ARHGAP24: variants seen among roughly 807,000 people sequenced by gnomAD.
ARHGAP24 encodes Rho GTPase activating protein 24, also known as rho GTPase-activating protein 24.
ARHGAP24 carries 50 observed loss-of-function variants against 76.4 expected under a neutral mutation model. That is an observed-to-expected ratio of 0.65 (90% CI 0.52 to 0.83). The LOEUF is 0.83. Among genes scored for constraint, ARHGAP24 ranks in the 40% least tolerant of loss-of-function variants. The pLI, the probability that ARHGAP24 is intolerant of heterozygous loss-of-function variation, is 0.00. For missense variants in ARHGAP24, 930 were observed against 914.2 expected (o/e 1.02, Z -0.22); for synonymous variants, 345 against 323.3 (o/e 1.07, Z -0.72).
intron 5 of ARHGAP24, among the ~76,000 whole-genome samples, chr4:85,967,427 T>C (rs1188092781): frequency 6.6e-6 from 1 of 152,144 alleles, no homozygotes; most frequent in Non-Finnish European, 1.5e-5. Context: ...ATGATCAAAG[T>C]AGACCTATCA....
intron 1 of ARHGAP24, among the ~76,000 whole-genome samples, chr4:85,530,573 AATT>A (rs766293397): frequency 3.3e-5 from 5 of 152,018 alleles, no homozygotes; most frequent in Non-Finnish European, 7.4e-5. Flanking sequence ...CTCACATAAT[AATT>A]CACTGGGAAA....
intron 3 of ARHGAP24, among the ~76,000 whole-genome samples, chr4:85,819,163 G>T (rs1207802781): frequency 1.3e-5 from 2 of 152,166 alleles, no homozygotes; most frequent in African/African-American, 2.4e-5. Flanking sequence ...GGTATATGCT[G>T]ATGGCCATAT....
intron 2 of ARHGAP24, among the ~76,000 whole-genome samples, chr4:85,589,824 G>A (rs1728011294): frequency 6.6e-6 from 1 of 152,080 alleles, no homozygotes; most frequent in Non-Finnish European, 1.5e-5. Context: ...ATAGATTCAA[G>A]AGTTTAAAAA....
At chr4:85,893,766 G>T (rs9790515) in intron 3 of ARHGAP24, among the ~76,000 whole-genome samples, 17 of 150,494 alleles carry the variant, frequency 1.1e-4, no homozygotes, top group African/African-American at 1.5e-4. Context: ...GAGGGTAACC[G>T]GACCTTTCTC....
Position 85,722,018 on chromosome 4 carries a change from G to A in ARHGAP24, c.268+46G>A, listed in dbSNP as rs184802761. On this transcript the variant is annotated intron_variant, in intron 3 of 9. Transcript: ENST00000395184. ...GATTAAATTATTGTCATCCTGTGTT[G>A]GTAAAGGTGAAGATGGGTCAGACAG... is the stretch of plus-strand genomic sequence containing the variant. 8.1e-5 allele frequency: 126 copies of A among 1,546,628 alleles called. No individual in the cohort carries two copies. In the African/African-American group the frequency reaches 1.5e-3, roughly 18 times the overall value.
At chr4:85,782,063 G>A (rs57156773) in intron 3 of ARHGAP24, among the ~76,000 whole-genome samples, 509 of 19,524 alleles carry the variant, frequency 0.026, 9 homozygotes, top group East Asian at 0.16. Context: ...AAAAAAAAAA[G>A]AAAAAAAAAA....
At chr4:85,649,000 C>T (rs1243338212) in intron 2 of ARHGAP24, among the ~76,000 whole-genome samples, 1 of 127,204 alleles carries the variant, frequency 7.9e-6, no homozygotes, top group Admixed American at 8.6e-5. Flanking sequence ...GGTTAAATTG[C>T]ATTTGTAAAT....
At chr4:85,872,728 GCTGGGATTACAAGCATACA>G (rs1732611876) in intron 3 of ARHGAP24, among the ~76,000 whole-genome samples, 1 of 146,154 alleles carries the variant, frequency 6.8e-6, no homozygotes, top group African/African-American at 2.5e-5. Flanking sequence ...CACCCAAATA[GCTGGGATTACAAGCATACA>G]CCACCATGCC....
At chr4:85,708,495 A>G (rs137862980) in intron 2 of ARHGAP24, among the ~76,000 whole-genome samples, 5 of 152,276 alleles carry the variant, frequency 3.3e-5, no homozygotes, top group African/African-American at 9.6e-5. Context: ...CCCCAAAGTC[A>G]TATATTTAGG....
At chr4:85,509,592 C>A (rs994212626) in intron 1 of ARHGAP24, among the ~76,000 whole-genome samples, 5 of 151,930 alleles carry the variant, frequency 3.3e-5, no homozygotes. Flanking sequence ...AGAACTCTTT[C>A]TTTATCTTTG....
intron 1 of ARHGAP24, among the ~76,000 whole-genome samples, chr4:85,515,789 T>C (rs1464998749): frequency 1.3e-5 from 2 of 152,190 alleles, no homozygotes; most frequent in African/African-American, 4.8e-5. Context: ...GAGGTGAATC[T>C]TTAAGGTAAA....
At chr4:85,571,154 C>T (rs1270962509) in intron 2 of ARHGAP24, among the ~76,000 whole-genome samples, 1 of 152,142 alleles carries the variant, frequency 6.6e-6, no homozygotes, top group African/African-American at 2.4e-5. Flanking sequence ...CAGAGGTTTC[C>T]CTCCATACCT....
At chr4:85,831,900 T>TA (rs57600561) in intron 3 of ARHGAP24, among the ~76,000 whole-genome samples, 139 of 137,416 alleles carry the variant, frequency 1.0e-3, no homozygotes, top group Non-Finnish European at 1.1e-3. Context: ...AGACTCTATC[T>TA]AAAAAAAAAA....
chr4:85,995,425 C>T lies in ARHGAP24; in HGVS notation c.1771C>T (p.Pro591Ser). The change falls in exon 9 of 10, where the codon CCT (proline) becomes TCT (serine). Residue 591 changes from proline (P) to serine (S), a missense_variant. Transcript: ENST00000395184. ...CTTTTTTGGGGGGAACTTTGAGGAC[C>T]CTGTTTTGGATGGGCCCCCGCAGGA... ...QDFFGGNFED[P>S]VLDGPPQDDL... The T allele has an allele frequency of 6.2e-7, 1 of 1,612,116 alleles. No individual in the cohort carries two copies. The highest frequency in any genetic ancestry group is 8.5e-7 in the Non-Finnish European group (1 of 1,178,522).
At chr4:85,648,491 A>T (rs1721809840) in intron 2 of ARHGAP24, among the ~76,000 whole-genome samples, 1 of 152,110 alleles carries the variant, frequency 6.6e-6, no homozygotes. Flanking sequence ...AGGGATATTT[A>T]CATATATATT....
Position 85,563,818 on chromosome 4 carries a change from A to G in ARHGAP24, c.-20-6704A>G, listed in dbSNP as rs116406276. 2.4e-3 allele frequency among the ~76,000 whole-genome samples: 370 copies of G among 152,326 alleles called. 3 individuals carry two copies. Among genetic ancestry groups the G allele is most frequent in the African/African-American group, 8.7e-3 (360 of 41,572 alleles). On this transcript the variant is annotated intron_variant, in intron 1 of 9. Transcript: ENST00000395184. ...TCAACATTCACAGCTGAGCCAATGTAGAGAGCTGAACACATTAAATCAAGT... is the reference window on the plus strand; with the variant it reads ...TCAACATTCACAGCTGAGCCAATGTGGAGAGCTGAACACATTAAATCAAGT...
chr4:85,577,630 T>C (rs1175522168), intron 2 of ARHGAP24, among the ~76,000 whole-genome samples: 1 of 152,172 alleles, frequency 6.6e-6, no homozygotes, highest in Admixed American at 6.5e-5. Flanking sequence ...CAAGCATTTG[T>C]GAAGAAGGAG....
chr4:85,842,692 C>A (rs1730665808), intron 3 of ARHGAP24, among the ~76,000 whole-genome samples: 1 of 152,180 alleles, frequency 6.6e-6, no homozygotes, highest in African/African-American at 2.4e-5. Context: ...TTGTAGAAAG[C>A]CTGTGATGTC....
chr4:85,608,682 T>G (rs1012450233), intron 2 of ARHGAP24, among the ~76,000 whole-genome samples: 5 of 149,848 alleles, frequency 3.3e-5, no homozygotes, highest in Non-Finnish European at 7.4e-5. Flanking sequence ...CTCAGCCTCC[T>G]GAGTAGCAGG....
Sources: allele counts gnomAD v4.1 joint callset (sites outside exome capture counted in the v4.1 genomes callset), GRCh38; gene constraint gnomAD v4.1.1; transcripts MANE v1.5; gene names NCBI Gene and HGNC (gene_info 2026-07-23, HGNC 2026-07-21).